Variants in USP36 observed in about 807,000 individuals in gnomAD.
USP36 encodes ubiquitin carboxyl-terminal hydrolase 36.
A neutral mutation model predicts 111.5 loss-of-function variants in USP36; 59 were observed. The observed-to-expected ratio is 0.53, with a 90% CI of 0.43 to 0.66. The LOEUF is 0.66. Among genes scored for constraint, USP36 ranks in the 30% least tolerant of loss-of-function variants. The probability of loss-of-function intolerance (pLI) is 0.00; values close to 1 mark genes in which losing one functional copy is unlikely to be tolerated. For missense variants in USP36, 1,488 were observed against 1,468.0 expected, an observed-to-expected ratio of 1.01 and a Z score of -0.22; for synonymous variants, 628 against 581.0, an observed-to-expected ratio of 1.08 and a Z score of -1.16.
intron 13 of USP36, among the ~76,000 whole-genome samples, chr17:78,811,037 C>A (rs529864792): frequency 6.6e-6 from 1 of 151,234 alleles, no homozygotes; most frequent in East Asian, 1.9e-4. Context: ...TCGCTTGAAC[C>A]CAAGAGGCGG....
rs563723588 is a variant in USP36, at chr17:78,818,782, TGAA to T, written c.912-7_912-5del. ...GGCTGGAACCTTCTTCTTGCATCTA[TGAA>T]GAAGGTGATGAGAAAGATTAATGAA... On this transcript the variant is annotated splice_polypyrimidine_tract_variant and splice_region_variant and intron_variant, in intron 9 of 20. Transcript: ENST00000449938. 1,978 of 1,612,862 alleles carry T rather than the reference TGAA, an allele frequency of 1.2e-3. 1 individual carries two copies. The highest frequency in any genetic ancestry group is 5.3e-3 in the Middle Eastern group (32 of 6,058).
chr17:78,804,253 G>A (rs988387115), intron 15 of USP36, among the ~76,000 whole-genome samples: 1 of 152,078 alleles, frequency 6.6e-6, no homozygotes, highest in African/African-American at 2.4e-5. Context: ...CCTGAGGTCA[G>A]AAGTTTGAGA....
chr17:78,795,315 C>A (rs909651500), downstream of USP36, among the ~76,000 whole-genome samples: 5 of 152,234 alleles, frequency 3.3e-5, no homozygotes, highest in Admixed American at 3.3e-4. This position sits in a 1 kb window ranked among gnomAD's most constrained non-coding sequence, Gnocchi z 4.5. Context: ...ACATGATGCC[C>A]TGTGTTTGGT....
intron 6 of USP36, among the ~76,000 whole-genome samples, chr17:78,826,044 G>A (rs1023437806): frequency 6.6e-6 from 1 of 152,130 alleles, no homozygotes; most frequent in Non-Finnish European, 1.5e-5. Flanking sequence ...CTAGCTATGG[G>A]GCCCAGCACA....
At position 78,798,667 on chromosome 17, in the gene USP36, G is replaced by A. The variant is rs2093671271; in HGVS notation, c.3241-116C>T. 3.3e-6 allele frequency: 5 copies of A among 1,499,842 alleles called. No individual in the cohort carries two copies. In the South Asian group the frequency reaches 6.0e-5, roughly 18 times the overall value. 92.9% of individuals were successfully genotyped at this position (1,499,842 alleles called of 1,614,324 possible). Reference sequence around the variant, plus strand: ...GCCGGGCTCTCATGAGCTCTCTGGAGACCCACTCTTCACAATGACCCCTGT... The same window carrying A: ...GCCGGGCTCTCATGAGCTCTCTGGAAACCCACTCTTCACAATGACCCCTGT... On this transcript the variant is annotated intron_variant, in intron 19 of 20. Transcript: ENST00000449938. This position sits in a 1 kb window ranked among gnomAD's most constrained non-coding sequence, Gnocchi z 5.1.
chr17:78,802,959 T>A (rs528331338), intron 16 of USP36, among the ~76,000 whole-genome samples: 1 of 152,158 alleles, frequency 6.6e-6, no homozygotes, highest in Admixed American at 6.5e-5. Context: ...TCTTTTTTTT[T>A]AGACAGGGTT....
rs200405634 is a variant in USP36 at position 78,799,743 on chromosome 17, A to G, written c.3048T>C (p.Ser1016=). 8.9e-5 allele frequency: 144 copies of G among 1,610,514 alleles called. No individual in the cohort carries two copies. The highest frequency in any genetic ancestry group is 2.2e-4 in the Admixed American group (13 of 59,394). The change falls in exon 18 of 21, where the codon TCT becomes TCC. Residue 1016 remains serine, a synonymous_variant. Transcript: ENST00000449938. ...RMGLSQAPPV[S]WNGERESDVV... is the part of the protein sequence containing the mutation. ...CATCAGACTCCCGCTCTCCATTCCA[A>G]GACACAGGAGGGGCCTGGCTCAGCC... is the stretch of plus-strand genomic sequence containing the variant.
intron 7 of USP36, among the ~76,000 whole-genome samples, chr17:78,821,578 C>T (rs1379708294): frequency 6.6e-6 from 1 of 151,428 alleles, no homozygotes; most frequent in Non-Finnish European, 1.5e-5. Flanking sequence ...CAGGCATGTG[C>T]CACCGCGCCT....
At chr17:78,800,835 T>G (rs1230938315) in intron 17 of USP36, among the ~76,000 whole-genome samples, 1 of 152,152 alleles carries the variant, frequency 6.6e-6, no homozygotes, top group Non-Finnish European at 1.5e-5. Context: ...CGCACTTCAG[T>G]AGACACAACC....
At position 78,798,917 on chromosome 17, in the gene USP36, G is replaced by A; in HGVS notation, c.3231C>T (p.Asp1077=). The change falls in exon 19 of 21, where the codon GAC becomes GAT. Residue 1077 remains aspartate, a synonymous_variant. Transcript: ENST00000449938. This position sits in a 1 kb window ranked among gnomAD's most constrained non-coding sequence, Gnocchi z 5.1. The part of the protein sequence containing the change: ...TVVDDWDEEF[D]RGKEKKIKKF... ...GCATCACACATCATACCTTCCCTCG[G>A]TCAAACTCTTCGTCCCAGTCATCAA... The A allele has an allele frequency of 6.2e-7, 1 of 1,613,978 alleles. No individual in the cohort carries two copies. Among genetic ancestry groups the A allele is most frequent in the Middle Eastern group, 1.6e-4 (1 of 6,062 alleles).
intron 6 of USP36, among the ~76,000 whole-genome samples, chr17:78,823,915 G>A (rs894122451): frequency 1.3e-5 from 2 of 152,316 alleles, no homozygotes; most frequent in Non-Finnish European, 2.9e-5. Flanking sequence ...ATAAATGAAA[G>A]CAGGCCCAGT....
intron 4 of USP36, among the ~76,000 whole-genome samples, 197 bp downstream of exon 4, chr17:78,835,083 C>T (rs918140132): frequency 4.0e-5 from 6 of 151,760 alleles, no homozygotes; most frequent in Non-Finnish European, 8.8e-5. Flanking sequence ...TTGGCGAACA[C>T]AGCCCCACCT....
At chr17:78,828,694 G>A (rs1042452296) in intron 5 of USP36, among the ~76,000 whole-genome samples, 4 of 152,172 alleles carry the variant, frequency 2.6e-5, no homozygotes, top group African/African-American at 9.7e-5. Flanking sequence ...TACAGGGCGA[G>A]CACTTAGCAG....
Position 78,828,883 on chromosome 17 carries a change from G to A in USP36, c.586+14C>T. 1 of 1,612,000 alleles carries A rather than the reference G, an allele frequency of 6.2e-7. No homozygotes were observed. The highest frequency in any genetic ancestry group is 1.1e-5 in the South Asian group (1 of 90,934). ...AAATAAATCACAAAAATTTTAACAT[G>A]GATTGATGCTTACTTTTCAGGTCTC... On this transcript the variant is annotated intron_variant, in intron 5 of 20. Coordinates refer to ENST00000449938, the MANE Select transcript of USP36 (RefSeq NM_001385174.1).
chr17:78,820,901 G>C, intron 8 of USP36, 90 bp downstream of exon 8: 1 of 1,374,230 alleles, frequency 7.3e-7, no homozygotes. Flanking sequence ...TATCTATTTT[G>C]ATCTGATGCC....
intron 4 of USP36, among the ~76,000 whole-genome samples, chr17:78,831,270 T>G (rs989280133): frequency 7.0e-6 from 1 of 142,696 alleles, no homozygotes; most frequent in Non-Finnish European, 1.5e-5. Flanking sequence ...ACATAAATAT[T>G]GAAGAGCTCT....
At chr17:78,794,566 G>A (rs555876467), downstream of USP36, among the ~76,000 whole-genome samples, 25 of 152,278 alleles carry the variant, frequency 1.6e-4, no homozygotes, top group South Asian at 4.3e-3. Context: ...GCGAGACGAC[G>A]TGAGTGTGTT....
intron 13 of USP36, among the ~76,000 whole-genome samples, chr17:78,812,187 C>CAAA (rs34568176): frequency 2.8e-5 from 4 of 145,232 alleles, no homozygotes; most frequent in African/African-American, 5.1e-5. Context: ...ACCCTGTCTC[C>CAAA]AAAAAAAAAA....
Position 78,836,106 on chromosome 17 carries a change from T to G in USP36, c.253+5A>C. The G allele has an allele frequency of 6.2e-7, 1 of 1,613,006 alleles. No homozygotes were observed. Among genetic ancestry groups the G allele is most frequent in the Non-Finnish European group, 8.5e-7 (1 of 1,180,008 alleles). On this transcript the variant is annotated splice_donor_5th_base_variant and intron_variant, in intron 3 of 20. Coordinates refer to ENST00000449938, the MANE Select transcript of USP36 (RefSeq NM_001385174.1). ...CCTCTCTGCCAGCACACTGCACATC[T>G]GTACCCTGTCTCCTGGCCGGTGGGT...
Sources: gnomAD v4.1 joint callset for allele counts (sites outside exome capture counted in the v4.1 genomes callset) on GRCh38, gnomAD v4.1.1 for gene constraint, Gnocchi (gnomAD v3.1) non-coding constraint, MANE v1.5 for transcripts, NCBI Gene and HGNC (gene_info 2026-07-23, HGNC 2026-07-21) for gene names.